PPIL2: variants seen among roughly 807,000 people sequenced by gnomAD.
PPIL2 encodes the protein peptidylprolyl isomerase like 2.
PPIL2 carries 50 observed loss-of-function variants against 75.2 expected under a neutral mutation model. The observed-to-expected ratio is 0.66, with a 90% CI of 0.53 to 0.84. The LOEUF is 0.84. PPIL2 is among the 40% of genes least tolerant of loss of function. PPIL2 has a pLI of 0.00. For missense variants in PPIL2, 590 were observed against 685.0 expected, an observed-to-expected ratio of 0.86 and a Z score of 1.55; for synonymous variants, 245 against 258.8, an observed-to-expected ratio of 0.95 and a Z score of 0.51.
At chr22:21,678,490 C>T (rs1811070) in intron 6 of PPIL2, among the ~76,000 whole-genome samples, 45,919 of 151,960 alleles carry the variant, frequency 0.3, 7,197 homozygotes, top group Non-Finnish European at 0.35. Flanking sequence ...CTCAGCCTCC[C>T]AAAGTGCTGG....
intron 10 of PPIL2, 57 bp from the exon 11 acceptor site, chr22:21,686,426 C>T: frequency 2.6e-6 from 4 of 1,534,264 alleles, no homozygotes; most frequent in Non-Finnish European, 3.6e-6. Context: ...AGCGACACGT[C>T]CCCACCCAAC....
At chr22:21,699,979 T>A (rs1011736579), downstream of PPIL2, 1 of 152,370 alleles carries the variant, frequency 6.6e-6, no homozygotes, top group Non-Finnish European at 1.5e-5. Context: ...AGATAAGGAA[T>A]CTACTGGCTT....
chr22:21,684,821 C>T lies in PPIL2; in HGVS notation c.622C>T (p.Leu208=), dbSNP rs2067288531. The change falls in exon 10 of 20, where the codon CTG becomes TTG. Residue 208 remains leucine, a synonymous_variant. Transcript: ENST00000398831. ...TACAAATGCCGAGACCCGAGAGACC[C>T]TGCAGGAGCTCTACAAGGAGTTCAA... is the stretch of plus-strand genomic sequence containing the variant. ...KNTNAETRET[L]QELYKEFKGD... is the part of the protein sequence containing the mutation. 6.2e-7 allele frequency: 1 copy of T among 1,614,080 alleles called. No homozygotes were observed. The highest frequency in any genetic ancestry group is 1.1e-5 in the South Asian group (1 of 91,090).
chr22:21,684,094 C>T (rs1038730673), intron 9 of PPIL2, among the ~76,000 whole-genome samples: 1 of 151,914 alleles, frequency 6.6e-6, no homozygotes, highest in Non-Finnish European at 1.5e-5. Flanking sequence ...GTAGCCCCAG[C>T]TACTTGGGGG....
At position 21,684,827 on chromosome 22, in the gene PPIL2, G is replaced by T. The variant is rs368983819; in HGVS notation, c.628G>T (p.Glu210Ter). Residue 210 changes from glutamate (E) to a stop codon, truncating the protein, a stop_gained, in exon 10 of 20, where the codon GAG becomes TAG. Coordinates refer to ENST00000398831, the MANE Select transcript of PPIL2 (RefSeq NM_014337.4). LOFTEE classifies it high-confidence loss of function. The part of the protein sequence containing the change: ...TNAETRETLQ[E>*]LYKEFKGDEI... ...TGCCGAGACCCGAGAGACCCTGCAG[G>T]AGCTCTACAAGGAGTTCAAAGGGGA... 124 of 1,614,066 alleles carry T rather than the reference G, an allele frequency of 7.7e-5. No individual in the cohort carries two copies. The highest frequency in any genetic ancestry group is 1.0e-4 in the Non-Finnish European group (120 of 1,180,034).
At chr22:21,689,165 G>A (rs550808925) in intron 15 of PPIL2, among the ~76,000 whole-genome samples, 2 of 152,346 alleles carry the variant, frequency 1.3e-5, no homozygotes, top group South Asian at 2.1e-4. Flanking sequence ...GGAGGTCAGC[G>A]TGTGGGAGGG....
intron 15 of PPIL2, among the ~76,000 whole-genome samples, chr22:21,692,867 A>G (rs1197545599): frequency 6.6e-6 from 1 of 150,550 alleles, no homozygotes; most frequent in East Asian, 2.0e-4. Flanking sequence ...CGGAGCTTGC[A>G]GTGAACCGAC....
intron 5 of PPIL2, among the ~76,000 whole-genome samples, chr22:21,672,814 C>G (rs147059496): frequency 3.3e-5 from 5 of 152,322 alleles, no homozygotes; most frequent in African/African-American, 7.2e-5. Context: ...CCACCTCTTT[C>G]CTATGGCCTG....
intron 8 of PPIL2, 114 bp downstream of exon 8, chr22:21,682,640 C>T: frequency 1.2e-6 from 1 of 831,186 alleles, no homozygotes; most frequent in East Asian, 2.7e-5. Flanking sequence ...TCAAAGCCAC[C>T]TGAGGCATCT....
chr22:21,690,122 C>T (rs954235637), intron 15 of PPIL2, among the ~76,000 whole-genome samples: 7 of 152,096 alleles, frequency 4.6e-5, no homozygotes, highest in Non-Finnish European at 8.8e-5. Flanking sequence ...GTGGCTCACA[C>T]CTGTAATCCC....
chr22:21,683,712 G>A (rs1290410567), intron 9 of PPIL2, among the ~76,000 whole-genome samples: 2 of 152,196 alleles, frequency 1.3e-5, no homozygotes, highest in South Asian at 2.1e-4. Flanking sequence ...TTTGAGTCAG[G>A]AGAGCCTGAG....
At chr22:21,681,494 C>T (rs892054619) in intron 7 of PPIL2, 104 bp downstream of exon 7, 12 of 1,042,774 alleles carry the variant, frequency 1.2e-5, no homozygotes, top group South Asian at 5.7e-5. Flanking sequence ...GGCCTGTCCT[C>T]GTGGGGTTTA....
At position 21,686,806 on chromosome 22, in the gene PPIL2, C is replaced by T. The variant is rs192673970; in HGVS notation, c.791-86C>T. On this transcript the variant is annotated intron_variant, in intron 11 of 19. Transcript: ENST00000398831. ...CCCCAGAGCTGGAGCCTAGTCCCCG[C>T]CTGTGTGTCTGAGGTCGGTGCTGCC... The T allele has an allele frequency of 6.1e-5, 82 of 1,335,830 alleles. No homozygotes were observed. The East Asian group carries it at 1.5e-3, about 25-fold the overall frequency. 82.7% of individuals were successfully genotyped at this position (1,335,830 alleles called of 1,614,324 possible).
chr22:21,684,090 C>T (rs941725108), intron 9 of PPIL2, among the ~76,000 whole-genome samples: 2 of 151,968 alleles, frequency 1.3e-5, no homozygotes, highest in African/African-American at 4.8e-5. Context: ...GCCTGTAGCC[C>T]CAGCTACTTG....
chr22:21,682,502 C>T lies in PPIL2; in HGVS notation c.453C>T (p.Ser151=), dbSNP rs758587249. The change falls in exon 8 of 20, where the codon TCC becomes TCT. Residue 151 remains serine, a synonymous_variant. Transcript: ENST00000398831. ...ACCTGCTGACCGACGAGCCCTTCTC[C>T]CGGCAGGACATCATCACCCTCCAGG... is the stretch of plus-strand genomic sequence containing the variant. ...FRDLLTDEPF[S]RQDIITLQDP... is the part of the protein sequence containing the mutation. The T allele has an allele frequency of 1.8e-5, 29 of 1,613,718 alleles. No individual in the cohort carries two copies. Among genetic ancestry groups the T allele is most frequent in the Non-Finnish European group, 2.2e-5 (26 of 1,179,984 alleles).
chr22:21,682,685 C>T (rs1406125737), intron 8 of PPIL2, among the ~76,000 whole-genome samples, 159 bp downstream of exon 8: 2 of 152,228 alleles, frequency 1.3e-5, no homozygotes, highest in Non-Finnish European at 2.9e-5. Context: ...TCTGCTTCAG[C>T]GCCTCGAGGG....
rs1457244126 is a variant in PPIL2 at position 21,684,712 on chromosome 22, C to T, written c.554-41C>T. ...CCCCAGCACGTGTGTGGGGAGGCTACTGGGGGCTCGGCGGCTCAGGGCCAT... is the reference window on the plus strand; with the variant it reads ...CCCCAGCACGTGTGTGGGGAGGCTATTGGGGGCTCGGCGGCTCAGGGCCAT... On this transcript the variant is annotated intron_variant, in intron 9 of 19. Transcript: ENST00000398831. 3 of 1,606,634 alleles carry T rather than the reference C, an allele frequency of 1.9e-6. 1 individual carries two copies. Among genetic ancestry groups the T allele is most frequent in the South Asian group, 2.2e-5 (2 of 90,504 alleles).
chr22:21,686,206 C>G (rs144100024), intron 10 of PPIL2, among the ~76,000 whole-genome samples: 6 of 152,326 alleles, frequency 3.9e-5, no homozygotes, highest in Non-Finnish European at 7.3e-5. Context: ...CAGCCATACA[C>G]TCCTAACCCT....
At chr22:21,689,982 G>A (rs1358034842) in intron 15 of PPIL2, among the ~76,000 whole-genome samples, 9 of 152,314 alleles carry the variant, frequency 5.9e-5, no homozygotes, top group Middle Eastern at 3.4e-3. Context: ...ACTGTCACAC[G>A]TGGTCTCGGT....
Sources: allele counts gnomAD v4.1 joint callset (sites outside exome capture counted in the v4.1 genomes callset), GRCh38; gene constraint gnomAD v4.1.1; transcripts MANE v1.5; gene names NCBI Gene and HGNC (gene_info 2026-07-23, HGNC 2026-07-21).